CFAP47: variants seen among roughly 807,000 people sequenced by gnomAD.
CFAP47 encodes cilia- and flagella-associated protein 47.
A neutral mutation model predicts 148.1 loss-of-function variants in CFAP47; 29 were observed. That is an observed-to-expected ratio of 0.20 (90% CI 0.15 to 0.27). The LOEUF (loss-of-function observed/expected upper bound fraction) is 0.27. Ranked by LOEUF, CFAP47 falls within the 10% of genes least tolerant of loss-of-function variation. The pLI is 1.00. For synonymous variants in CFAP47, 664 were observed against 577.3 expected (o/e 1.15, Z -2.15); for missense variants, 1,872 against 1,697.5 (o/e 1.10, Z -1.81).
chrX:35,949,421 A>C (rs781686443), intron 4 of CFAP47, among the ~76,000 whole-genome samples: 4 of 111,385 alleles, frequency 3.6e-5, no homozygotes, highest in Non-Finnish European at 7.5e-5. Flanking sequence ...ACAGTAAAGC[A>C]AGAGGAAAAT....
rs766912102 is a variant in CFAP47 at position 36,173,036 on chromosome X, A to G, written c.6027-6309A>G. On this transcript the variant is annotated intron_variant, in intron 39 of 63. Transcript: ENST00000378653. ...TCCTGGTTTAGTCTTGGGAGAGTGT[A>G]TGTGTCGAGGAATTTATCCATTTCT... Among the ~76,000 whole-genome samples, 16 of 110,861 alleles carry G rather than the reference A, an allele frequency of 1.4e-4. No homozygotes were observed. In the South Asian group the frequency reaches 1.5e-3, roughly 11 times the overall value.
chrX:36,082,119 T>A (rs73470929), intron 29 of CFAP47, among the ~76,000 whole-genome samples: 2,894 of 111,919 alleles, frequency 0.026, 94 homozygotes, highest in African/African-American at 0.089. Context: ...CCATAATGTT[T>A]CCTACATCAC....
chrX:36,061,359 C>T (rs763048913), intron 26 of CFAP47, among the ~76,000 whole-genome samples: 4 of 111,855 alleles, frequency 3.6e-5, no homozygotes, highest in Non-Finnish European at 7.5e-5. Flanking sequence ...TAATACACTT[C>T]GTAACTCTAT....
At chrX:35,924,595 G>A (rs759378942) in intron 1 of CFAP47, among the ~76,000 whole-genome samples, 195 of 105,445 alleles carry the variant, frequency 1.8e-3, no homozygotes, top group Non-Finnish European at 2.3e-3. Context: ...ATATACACAC[G>A]TGCATGTGGG....
intron 23 of CFAP47, among the ~76,000 whole-genome samples, chrX:36,033,478 A>T (rs1937304447): frequency 8.9e-6 from 1 of 112,154 alleles, no homozygotes; most frequent in African/African-American, 3.2e-5. Context: ...GATAGATAGT[A>T]TTTTGGAAGT....
chrX:35,961,583 C>A (rs1936331889), intron 8 of CFAP47, among the ~76,000 whole-genome samples: 1 of 111,125 alleles, frequency 9.0e-6, no homozygotes, highest in Non-Finnish European at 1.9e-5. Context: ...TTGCCCATGT[C>A]ATTTAGGTTA....
At chrX:36,150,411 A>T (rs2146842592) in intron 37 of CFAP47, among the ~76,000 whole-genome samples, 1 of 112,309 alleles carries the variant, frequency 8.9e-6, no homozygotes, top group Admixed American at 9.5e-5. Flanking sequence ...AGCAGTTGAC[A>T]AATTTGATAA....
At chrX:36,102,135 C>T (rs775484655) in intron 32 of CFAP47, among the ~76,000 whole-genome samples, 4 of 111,570 alleles carry the variant, frequency 3.6e-5, no homozygotes, top group Non-Finnish European at 5.7e-5. Context: ...AAATCTTTAA[C>T]AAAAATGAAA....
intron 49 of CFAP47, among the ~76,000 whole-genome samples, 174 bp from the exon 50 acceptor site, chrX:36,280,313 C>T (rs1489155574): frequency 9.0e-6 from 1 of 111,268 alleles, no homozygotes; most frequent in Non-Finnish European, 1.9e-5. Flanking sequence ...TTGAGCTTTT[C>T]CTTAAAATGT....
At position 35,953,692 on chromosome X, in the gene CFAP47, A is replaced by G; in HGVS notation, c.1147A>G (p.Arg383Gly). The change falls in exon 7 of 64, where the codon AGA (arginine) becomes GGA (glycine). Residue 383 changes from arginine to glycine, a missense_variant. Arg to Gly is a moderately radical substitution (Grantham distance 125). Coordinates refer to ENST00000378653, the MANE Select transcript of CFAP47 (RefSeq NM_001304548.2). ...CGTAGGAAGTAAAGATGGATTTTTG[A>G]GAGATGATGACTATAAAACCATCAA... ...ESVGSKDGFLRDDDYKTIKSE... is the reference protein window; with the variant it reads ...ESVGSKDGFLGDDDYKTIKSE... The G allele has an allele frequency of 8.3e-7, 1 of 1,200,426 alleles. No homozygotes were observed. The highest frequency in any genetic ancestry group is 1.1e-6 in the Non-Finnish European group (1 of 886,724).
At chrX:36,312,069 A>G (rs1941398193) in intron 56 of CFAP47, among the ~76,000 whole-genome samples, 1 of 110,997 alleles carries the variant, frequency 9.0e-6, no homozygotes. Flanking sequence ...AAAAGACTTG[A>G]GCATATGTAT....
chrX:36,176,587 C>G (rs1323913946), intron 39 of CFAP47, among the ~76,000 whole-genome samples: 1 of 111,983 alleles, frequency 8.9e-6, no homozygotes, highest in Non-Finnish European at 1.9e-5. Flanking sequence ...TCACGTTGTT[C>G]TAGGTCAGCA....
chrX:36,143,942 C>T lies in CFAP47; in HGVS notation c.5536-1277C>T, dbSNP rs781122965. Among the ~76,000 whole-genome samples, 4 of 111,169 alleles carry T rather than the reference C, an allele frequency of 3.6e-5. No homozygotes were observed. In the South Asian group the frequency reaches 1.1e-3, roughly 31 times the overall value. ...AAGTCCCTCACCCTGCCGTCTAAGA[C>T]CTCCACAATGTAGCCTGGCACTCCT... On this transcript the variant is annotated intron_variant, in intron 35 of 63. Transcript: ENST00000378653.
At chrX:36,130,010 G>A (rs1401973089) in intron 33 of CFAP47, among the ~76,000 whole-genome samples, 1 of 111,320 alleles carries the variant, frequency 9.0e-6, no homozygotes, top group African/African-American at 3.2e-5. Context: ...AGTAATTTGG[G>A]AAATGCACAG....
At chrX:36,114,169 A>C (rs1322656148) in intron 33 of CFAP47, among the ~76,000 whole-genome samples, 1 of 111,217 alleles carries the variant, frequency 9.0e-6, no homozygotes, top group Non-Finnish European at 1.9e-5. Context: ...TGCATTATGA[A>C]ATTTTTGTAG....
rs923038004 is a variant in CFAP47, at chrX:36,036,226, C to T, written c.3811+372C>T. Among the ~76,000 whole-genome samples the T allele has an allele frequency of 4.5e-5, 5 of 110,942 alleles. No homozygotes were observed. In the East Asian group the frequency reaches 1.1e-3, roughly 25 times the overall value. On this transcript the variant is annotated intron_variant, in intron 24 of 63. Coordinates refer to ENST00000378653, the MANE Select transcript of CFAP47 (RefSeq NM_001304548.2). ...CTCCCCATTTCCCCCACTCCCAAGC[C>T]CCTAGAAGACAATGCCCTACACTCT...
chrX:36,285,235 A>AT (rs1941120200), intron 50 of CFAP47, among the ~76,000 whole-genome samples: 1 of 111,574 alleles, frequency 9.0e-6, no homozygotes, highest in Non-Finnish European at 1.9e-5. Flanking sequence ...AGCATTGTAA[A>AT]TTGTAATGAC....
chrX:36,301,050 T>G, intron 52 of CFAP47, 22 bp from the exon 53 acceptor site: 1 of 1,001,964 alleles, frequency 1.0e-6, no homozygotes, highest in Non-Finnish European at 1.4e-6. Flanking sequence ...CTGACAAAAT[T>G]TTGTGTATTT....
chrX:36,172,807 G>A (rs1311037861), intron 39 of CFAP47, among the ~76,000 whole-genome samples: 1 of 111,678 alleles, frequency 9.0e-6, no homozygotes, highest in Non-Finnish European at 1.9e-5. Flanking sequence ...GATGATGCTG[G>A]CCTCATAAAA....
Sources: gnomAD v4.1 joint callset for allele counts (sites outside exome capture counted in the v4.1 genomes callset) on GRCh38, gnomAD v4.1.1 for gene constraint, MANE v1.5 for transcripts, NCBI Gene and HGNC (gene_info 2026-07-23, HGNC 2026-07-21) for gene names.